KIAA1549L: variants seen among roughly 807,000 people sequenced by gnomAD.
KIAA1549L encodes UPF0606 protein KIAA1549L.
In KIAA1549L, 88 loss-of-function variants were observed where a neutral mutation model predicts 160.7. That is an observed-to-expected ratio of 0.55 (90% CI 0.46 to 0.65). KIAA1549L has a LOEUF of 0.65. Ranked by LOEUF, KIAA1549L falls within the 30% of genes least tolerant of loss-of-function variation. The probability of loss-of-function intolerance (pLI) is 0.00; values close to 1 mark genes in which losing one functional copy is unlikely to be tolerated. For synonymous variants in KIAA1549L, 950 were observed against 976.7 expected (o/e 0.97, Z 0.51); for missense variants, 2,258 against 2,437.5 (o/e 0.93, Z 1.55).
chr11:33,436,143 G>T (rs1851376419), intron 1 of KIAA1549L, among the ~76,000 whole-genome samples: 1 of 152,048 alleles, frequency 6.6e-6, no homozygotes, highest in Non-Finnish European at 1.5e-5. Context: ...ATATCTCAGG[G>T]ACATGAGCAT....
At chr11:33,656,673 T>C (rs1852075509) in intron 18 of KIAA1549L, among the ~76,000 whole-genome samples, 1 of 152,204 alleles carries the variant, frequency 6.6e-6, no homozygotes, top group African/African-American at 2.4e-5. Flanking sequence ...TGGGAAAGGC[T>C]AGAACTGTGC....
intron 1 of KIAA1549L, among the ~76,000 whole-genome samples, chr11:33,389,932 G>T (rs1850241517): frequency 6.6e-6 from 1 of 152,230 alleles, no homozygotes; most frequent in South Asian, 2.1e-4. Flanking sequence ...ACTAGCTCCA[G>T]TATGGGGCCT....
intron 1 of KIAA1549L, among the ~76,000 whole-genome samples, chr11:33,508,328 A>C (rs1255416051): frequency 6.6e-6 from 1 of 152,216 alleles, no homozygotes; most frequent in African/African-American, 2.4e-5. Context: ...CGGTGGCTTC[A>C]CAGATAAGGG....
intron 1 of KIAA1549L, among the ~76,000 whole-genome samples, chr11:33,526,602 G>A (rs1853617894): frequency 6.6e-6 from 1 of 152,208 alleles, no homozygotes; most frequent in South Asian, 2.1e-4. Context: ...CTCTCAGGAA[G>A]CTCCATCCCT....
chr11:33,418,609 ACATATAGGCAGCGAG>A (rs1474749092), intron 1 of KIAA1549L, among the ~76,000 whole-genome samples: 2 of 152,206 alleles, frequency 1.3e-5, no homozygotes, highest in African/African-American at 4.8e-5. Context: ...TTTATTCCTT[ACATATAGGCAGCGAG>A]GGACCACAGG....
At chr11:33,633,127 C>T (rs1369961481) in intron 16 of KIAA1549L, among the ~76,000 whole-genome samples, 1 of 148,970 alleles carries the variant, frequency 6.7e-6, no homozygotes, top group Admixed American at 6.7e-5. Context: ...AGGTGCCCAC[C>T]ACCATGCCCA....
At chr11:33,470,964 ATT>A (rs1852166459) in intron 1 of KIAA1549L, among the ~76,000 whole-genome samples, 1 of 151,948 alleles carries the variant, frequency 6.6e-6, no homozygotes, top group South Asian at 2.1e-4. Context: ...TGATTTAGTG[ATT>A]TGTTAGGTGT....
chr11:33,512,358 A>G (rs2133108091), intron 1 of KIAA1549L, among the ~76,000 whole-genome samples: 1 of 152,352 alleles, frequency 6.6e-6, no homozygotes, highest in East Asian at 1.9e-4. Context: ...TTTACCTTTT[A>G]ATGCTGCCAT....
chr11:33,610,809 A>G (rs561960036), intron 15 of KIAA1549L, among the ~76,000 whole-genome samples: 17 of 152,342 alleles, frequency 1.1e-4, no homozygotes, highest in Admixed American at 7.2e-4. Context: ...AATGAACAGA[A>G]ACATATTTTC....
chr11:33,392,421 C>T (rs1001926715), intron 1 of KIAA1549L, among the ~76,000 whole-genome samples: 1 of 152,184 alleles, frequency 6.6e-6, no homozygotes, highest in Non-Finnish European at 1.5e-5. Context: ...CTTTCGCATA[C>T]ATGTCATTGA....
intron 1 of KIAA1549L, among the ~76,000 whole-genome samples, chr11:33,435,800 A>ATATGTGTGTGTGTGTG (rs1554976797): frequency 3.9e-4 from 5 of 12,882 alleles, no homozygotes; most frequent in Admixed American, 1.4e-3. Flanking sequence ...ATATATATAT[A>ATATGTGTGTGTGTGTG]TATATATATA....
chr11:33,570,006 C>CTCTCT (rs377114558), intron 9 of KIAA1549L, among the ~76,000 whole-genome samples: 2 of 134,582 alleles, frequency 1.5e-5, no homozygotes, highest in East Asian at 2.2e-4. Context: ...CTCTCTCTCT[C>CTCTCT]TTTTTTTTTT....
chr11:33,562,573 AT>A (rs1854899915), intron 8 of KIAA1549L, among the ~76,000 whole-genome samples: 1 of 152,072 alleles, frequency 6.6e-6, no homozygotes, highest in Non-Finnish European at 1.5e-5. Context: ...GTGTCTTCAC[AT>A]GCCCTTCCCT....
At position 33,426,229 on chromosome 11, in the gene KIAA1549L, A is replaced by G. The variant is rs12289071; in HGVS notation, c.238+49340A>G. Among the ~76,000 whole-genome samples the G allele has an allele frequency of 2.4e-3, 360 of 152,316 alleles. 2 individuals carry two copies. The highest frequency in any genetic ancestry group is 8.0e-3 in the African/African-American group (332 of 41,560). On this transcript the variant is annotated intron_variant, in intron 1 of 20. Coordinates refer to ENST00000658780, the MANE Select transcript of KIAA1549L (RefSeq NM_012194.3). ...CAGTAGAGGAAGCCAAGTGAAGCGT[A>G]TTGAACTCTCTGCACTCTCTGCTTT...
chr11:33,640,420 A>C (rs1386067810), intron 16 of KIAA1549L, among the ~76,000 whole-genome samples: 1 of 152,212 alleles, frequency 6.6e-6, no homozygotes, highest in Non-Finnish European at 1.5e-5. Context: ...AAAATTCTGC[A>C]GTCCACACCT....
In KIAA1549L at chr11:33,544,018, G is replaced by C. The variant is rs1854138670; in HGVS notation, c.2455G>C (p.Ala819Pro). ...HSRDFQTAEV[A>P]YYSPTTRHSV... ...CAGAGACTTCCAAACAGCTGAAGTT[G>C]CATATTACTCACCCACAACTCGACA... The change falls in exon 2 of 21, where the codon GCA becomes CCA. Residue 819 changes from alanine to proline, a missense_variant. Ala to Pro is a conservative substitution (Grantham distance 27). Around this residue, in one of 6 missense-constraint regions of KIAA1549L, gnomAD observed 287 missense variants for 292.3 expected, o/e 0.98. Coordinates refer to ENST00000658780, the MANE Select transcript of KIAA1549L (RefSeq NM_012194.3). 6.2e-7 allele frequency: 1 copy of C among 1,613,860 alleles called. No individual in the cohort carries two copies. Among genetic ancestry groups the C allele is most frequent in the Non-Finnish European group, 8.5e-7 (1 of 1,179,890 alleles).
intron 1 of KIAA1549L, among the ~76,000 whole-genome samples, chr11:33,447,935 G>C (rs1851649045): frequency 6.6e-6 from 1 of 152,122 alleles, no homozygotes. Flanking sequence ...AGACAGAGGA[G>C]TTCTCATGAG....
Position 33,565,960 on chromosome 11 carries a change from G to A in KIAA1549L, c.4079-2116G>A, listed in dbSNP as rs536866917. 7.2e-5 allele frequency among the ~76,000 whole-genome samples: 11 copies of A among 152,244 alleles called. No homozygotes were observed. The East Asian group carries it at 1.2e-3, about 16-fold the overall frequency. ...CCCAGGAGGTCGGGGCTGCAGAGTC[G>A]TGATCCTGCCACTGCATTCCAGCCT... On this transcript the variant is annotated intron_variant, in intron 8 of 20. Coordinates refer to ENST00000658780, the MANE Select transcript of KIAA1549L (RefSeq NM_012194.3).
rs772142985 is a variant in KIAA1549L at position 33,545,074 on chromosome 11, A to G, written c.3081A>G (p.Gly1027=). The G allele has an allele frequency of 6.2e-6, 10 of 1,614,036 alleles. No homozygotes were observed. Among genetic ancestry groups the G allele is most frequent in the Non-Finnish European group, 7.6e-6 (9 of 1,179,886 alleles). The change falls in exon 3 of 21, where the codon GGA becomes GGG. Residue 1027 remains glycine (G), a synonymous_variant. Coordinates refer to ENST00000658780, the MANE Select transcript of KIAA1549L (RefSeq NM_012194.3). ...HTTSTHTAMQ[G]NMDTASGLLS... Reference sequence around the variant, plus strand: ...CGAGCACACATACAGCCATGCAAGGAAACATGGACACTGCCTCTGGCCTGT... The same window carrying G: ...CGAGCACACATACAGCCATGCAAGGGAACATGGACACTGCCTCTGGCCTGT...
Sources: allele counts gnomAD v4.1 joint callset (sites outside exome capture counted in the v4.1 genomes callset), GRCh38; gene constraint gnomAD v4.1.1; regional missense constraint gnomAD v4.1.1; transcripts MANE v1.5; gene names NCBI Gene and HGNC (gene_info 2026-07-23, HGNC 2026-07-21).